ZNF215: variants seen among roughly 807,000 people sequenced by gnomAD.
ZNF215 encodes zinc finger protein 215.
A neutral mutation model predicts 27.2 loss-of-function variants in ZNF215; 24 were observed. That is an observed-to-expected ratio of 0.88 (90% CI 0.64 to 1.24). The LOEUF (loss-of-function observed/expected upper bound fraction) is 1.24. ZNF215 is among the 50% of genes most tolerant of loss of function. The pLI, the probability that ZNF215 is intolerant of heterozygous loss-of-function variation, is 0.00. For missense variants in ZNF215, 675 were observed against 605.7 expected (o/e 1.11, Z -1.20); for synonymous variants, 210 against 204.0 (o/e 1.03, Z -0.25).
intron 5 of ZNF215, among the ~76,000 whole-genome samples, chr11:6,980,585 T>C (rs1850927524): frequency 6.6e-6 from 1 of 150,600 alleles, no homozygotes; most frequent in Admixed American, 6.6e-5. Flanking sequence ...AAAAATGAAA[T>C]TAAACTGATC....
At chr11:6,945,391 A>G (rs1184454057) in intron 6 of ZNF215, among the ~76,000 whole-genome samples, 1 of 152,076 alleles carries the variant, frequency 6.6e-6, no homozygotes, top group East Asian at 1.9e-4. Context: ...TCCTCTAGCT[A>G]TTACTCTTTT....
In ZNF215 at chr11:6,956,622, T is replaced by C; in HGVS notation, c.*91T>C. ...GCTGGATAAAATCTCATGAATATAA[T>C]GTAAGAAAACATTTGTCAGATTTTT... On this transcript the variant is annotated 3_prime_UTR_variant, in exon 7 of 7. Transcript: ENST00000278319. 1 of 1,439,568 alleles carries C rather than the reference T, an allele frequency of 6.9e-7. No individual in the cohort carries two copies. The highest frequency in any genetic ancestry group is 9.1e-7 in the Non-Finnish European group (1 of 1,102,724). The allele number at this position is 1,439,568 out of a possible 1,614,324, so 89.2% of individuals were successfully genotyped here.
At position 6,956,707 on chromosome 11, in the gene ZNF215, T is replaced by G; in HGVS notation, c.*176T>G. ...AAATATCATTGGATAGAAATCTGTT[T>G]GAAGGAATTTTCCTGGTTTTCAGAT... On this transcript the variant is annotated 3_prime_UTR_variant, in exon 7 of 7. Transcript: ENST00000278319. 1 of 1,385,330 alleles carries G rather than the reference T, an allele frequency of 7.2e-7. No homozygotes were observed. The highest frequency in any genetic ancestry group is 9.3e-7 in the Non-Finnish European group (1 of 1,077,320). The allele number at this position is 1,385,330 out of a possible 1,614,324, so 85.8% of individuals were successfully genotyped here.
intron 5 of ZNF215, among the ~76,000 whole-genome samples, chr11:6,964,436 A>G (rs1359802012): frequency 6.6e-6 from 1 of 152,084 alleles, no homozygotes; most frequent in Non-Finnish European, 1.5e-5. Flanking sequence ...TAACATTTGT[A>G]CATTATGTGA....
chr11:6,963,597 T>G (rs1850560241), intron 5 of ZNF215, among the ~76,000 whole-genome samples: 1 of 152,076 alleles, frequency 6.6e-6, no homozygotes, highest in African/African-American at 2.4e-5. Flanking sequence ...GTTACAAATA[T>G]ATATATAACA....
intron 5 of ZNF215, among the ~76,000 whole-genome samples, chr11:6,970,571 C>G (rs2133334261): frequency 6.6e-6 from 1 of 152,154 alleles, no homozygotes; most frequent in South Asian, 2.1e-4. Flanking sequence ...CTAGGATTTG[C>G]TTGAAAATAC....
chr11:6,931,043 G>C (rs1229195866), intron 2 of ZNF215, among the ~76,000 whole-genome samples: 1 of 152,284 alleles, frequency 6.6e-6, no homozygotes, highest in Admixed American at 6.5e-5. Flanking sequence ...ATCTCTAGCT[G>C]TAACAGTCAA....
chr11:6,979,222 A>T (rs1012798512), intron 5 of ZNF215, among the ~76,000 whole-genome samples: 2 of 152,038 alleles, frequency 1.3e-5, no homozygotes, highest in Admixed American at 6.6e-5. Context: ...GTGACATAGT[A>T]GCAATACGGT....
intron 5 of ZNF215, among the ~76,000 whole-genome samples, chr11:6,969,779 T>G (rs1233264640): frequency 1.3e-5 from 2 of 152,062 alleles, no homozygotes; most frequent in African/African-American, 4.8e-5. Flanking sequence ...GCATTGGTAG[T>G]CTGTTATTTT....
intron 5 of ZNF215, among the ~76,000 whole-genome samples, chr11:6,965,353 G>A (rs948820532): frequency 2.6e-5 from 4 of 152,066 alleles, no homozygotes; most frequent in East Asian, 1.9e-4. Flanking sequence ...TTTTAAACAC[G>A]TGTATAAAAG....
chr11:6,943,972 C>A (rs1427618779), intron 6 of ZNF215, among the ~76,000 whole-genome samples: 1 of 152,154 alleles, frequency 6.6e-6, no homozygotes, highest in African/African-American at 2.4e-5. Flanking sequence ...GTGCCTAGTA[C>A]ACTTAGAATA....
intron 3 of ZNF215, among the ~76,000 whole-genome samples, chr11:6,936,587 ACT>A (rs1037695339): frequency 7.9e-5 from 12 of 152,000 alleles, no homozygotes; most frequent in Admixed American, 3.9e-4. Flanking sequence ...GTATTCTCAA[ACT>A]CTTCCAAAAA....
intron 6 of ZNF215, among the ~76,000 whole-genome samples, chr11:6,946,341 C>T (rs1290438120): frequency 6.6e-6 from 1 of 152,182 alleles, no homozygotes; most frequent in African/African-American, 2.4e-5. Flanking sequence ...CTATTCTCTG[C>T]CTACTTCTCC....
intron 6 of ZNF215, 39 bp downstream of exon 6, chr11:6,943,680 T>G: frequency 6.7e-7 from 1 of 1,485,898 alleles, no homozygotes; most frequent in East Asian, 2.3e-5. Context: ...GTAAGAAGCT[T>G]CTGTTTCCTA....
chr11:6,926,492 G>A lies in ZNF215; in HGVS notation c.-519G>A, dbSNP rs1455573966. 1 of 152,408 alleles carries A rather than the reference G, an allele frequency of 6.6e-6. No homozygotes were observed. Among genetic ancestry groups the A allele is most frequent in the African/African-American group, 2.4e-5 (1 of 41,470 alleles). 9.4% of individuals were successfully genotyped at this position (152,408 alleles called of 1,614,324 possible). On this transcript the variant is annotated 5_prime_UTR_variant, in exon 1 of 7. Transcript: ENST00000278319. The stretch of plus-strand genomic sequence containing the variant: ...ATCCGGGTCGCGGGGGCTCCTAGGG[G>A]GTTCCTTCCACAGCTGGTGCGCGTG...
intron 3 of ZNF215, among the ~76,000 whole-genome samples, chr11:6,938,740 TG>T (rs1849527199): frequency 6.6e-6 from 1 of 152,084 alleles, no homozygotes; most frequent in Admixed American, 6.5e-5. Flanking sequence ...AAAGGGAGTG[TG>T]TATGAGAGTG....
At chr11:6,983,045 A>G (rs1177243618) in intron 5 of ZNF215, among the ~76,000 whole-genome samples, 2 of 151,072 alleles carry the variant, frequency 1.3e-5, no homozygotes, top group East Asian at 1.9e-4. Context: ...AGAAGAATCA[A>G]ATAGATGCAA....
At chr11:6,952,002 A>C (rs1215063548) in intron 6 of ZNF215, among the ~76,000 whole-genome samples, 1 of 152,188 alleles carries the variant, frequency 6.6e-6, no homozygotes. Context: ...CCCAGTAGTC[A>C]TTCAGGAGCA....
At chr11:6,946,631 GT>G (rs1243198940) in intron 6 of ZNF215, among the ~76,000 whole-genome samples, 2 of 152,122 alleles carry the variant, frequency 1.3e-5, no homozygotes, top group Non-Finnish European at 2.9e-5. Flanking sequence ...TCTCAAATAA[GT>G]GCACATTTCC....
Sources: gnomAD v4.1 joint callset for allele counts (sites outside exome capture counted in the v4.1 genomes callset) on GRCh38, gnomAD v4.1.1 for gene constraint, MANE v1.5 for transcripts, NCBI Gene and HGNC (gene_info 2026-07-23, HGNC 2026-07-21) for gene names.